The following LGSN variants were observed in gnomAD, a reference collection of about 807,000 sequenced individuals.
LGSN encodes lengsin.
A neutral mutation model predicts 19.5 loss-of-function variants in LGSN; 21 were observed. The ratio of observed to expected loss-of-function variants is 1.07; its 90% CI spans 0.76 to 1.55. The LOEUF (loss-of-function observed/expected upper bound fraction) is 1.55, where lower values mean the gene tolerates loss of function less well. LGSN is among the 40% of genes most tolerant of loss of function. The probability of loss-of-function intolerance (pLI) is 0.00; values close to 1 mark genes in which losing one functional copy is unlikely to be tolerated. For missense variants in LGSN, 673 were observed against 608.5 expected (o/e 1.11, Z -1.12); for synonymous variants, 257 against 215.6 (o/e 1.19, Z -1.68).
At chr6:63,521,221 A>C in the LGSN span, among the ~76,000 whole-genome samples, 15 of 152,162 alleles carry the variant, frequency 9.9e-5, no homozygotes, top group Non-Finnish European at 1.9e-4. Flanking sequence ...CCAAAACTTA[A>C]AGTAAAATAA....
chr6:63,293,829 T>G lies in LGSN; in HGVS notation c.163+1084A>C, dbSNP rs748188234. 2.2e-5 allele frequency: 10 copies of G among 454,224 alleles called. No individual in the cohort carries two copies. The Admixed American group carries it at 2.4e-4, about 11-fold the overall frequency. 28.1% of individuals were successfully genotyped at this position (454,224 alleles called of 1,614,324 possible). On this transcript the variant is annotated intron_variant, in intron 2 of 3. Transcript: ENST00000370657. ...AGGTTTGCTTGTGTTCCCTAATTTG[T>G]GGCACACCATTTGGTTTCTGATCCT...
chr6:63,408,547 T>G, the LGSN span, among the ~76,000 whole-genome samples: 1 of 147,938 alleles, frequency 6.8e-6, no homozygotes, highest in Non-Finnish European at 1.5e-5. Flanking sequence ...GATTAAAGAC[T>G]TAAACGTTAG....
intron 1 of LGSN, among the ~76,000 whole-genome samples, chr6:63,301,148 A>G (rs1367699054): frequency 2.6e-5 from 4 of 152,112 alleles, no homozygotes; most frequent in African/African-American, 9.7e-5. Context: ...AAAATTAGCC[A>G]GGCATTGTGG....
chr6:63,338,891 AT>A, the LGSN span, among the ~76,000 whole-genome samples: 1 of 152,050 alleles, frequency 6.6e-6, no homozygotes, highest in African/African-American at 2.4e-5. Flanking sequence ...TGTTTTGATC[AT>A]TTTTTATTTC....
the LGSN span, among the ~76,000 whole-genome samples, chr6:63,394,741 G>T: frequency 1.3e-5 from 2 of 152,172 alleles, no homozygotes; most frequent in Admixed American, 1.3e-4. Flanking sequence ...TCTGGATCAG[G>T]ACCCCTTTCC....
upstream of LGSN, among the ~76,000 whole-genome samples, chr6:63,322,407 C>T (rs902890178): frequency 1.3e-4 from 20 of 152,062 alleles, no homozygotes; most frequent in African/African-American, 4.8e-4. Context: ...TTCTTATGAC[C>T]TTCATGAATC....
At chr6:63,464,060 G>GA in the LGSN span, among the ~76,000 whole-genome samples, 8 of 151,282 alleles carry the variant, frequency 5.3e-5, no homozygotes, top group Non-Finnish European at 4.4e-5. Flanking sequence ...ACAATGAACC[G>GA]ATCATTACTG....
chr6:63,451,873 AT>A, the LGSN span, among the ~76,000 whole-genome samples: 2 of 152,186 alleles, frequency 1.3e-5, no homozygotes, highest in Non-Finnish European at 2.9e-5. Context: ...TGGATTTAAA[AT>A]TTTTAAACTA....
At chr6:63,438,647 A>G in the LGSN span, among the ~76,000 whole-genome samples, 3 of 152,190 alleles carry the variant, frequency 2.0e-5, no homozygotes, top group African/African-American at 7.2e-5. Context: ...AATCAAAACC[A>G]CAATGAGATA....
the LGSN span, among the ~76,000 whole-genome samples, chr6:63,370,534 T>G: frequency 1.3e-5 from 2 of 152,254 alleles, no homozygotes; most frequent in Non-Finnish European, 2.9e-5. Context: ...ATTTTGTAAG[T>G]GAACTCCTGT....
rs1767218742 is a variant in LGSN, at chr6:63,279,851, A to T, written c.*170T>A. ...TTGTTTCTGTTATCAGAATCTTCTC[A>T]GCAGTCCTACTTCATCTGTCAAATA... On this transcript the variant is annotated 3_prime_UTR_variant, in exon 4 of 4. Transcript: ENST00000370657. 2 of 596,038 alleles carry T rather than the reference A, an allele frequency of 3.4e-6. No individual in the cohort carries two copies. The highest frequency in any genetic ancestry group is 4.4e-5 in the South Asian group (2 of 45,602). The allele number at this position is 596,038 out of a possible 1,614,324, so 36.9% of individuals were successfully genotyped here.
At chr6:63,443,914 C>A in the LGSN span, among the ~76,000 whole-genome samples, 90 of 141,012 alleles carry the variant, frequency 6.4e-4, no homozygotes, top group African/African-American at 6.8e-4. Context: ...CAGCTGTCAC[C>A]AAAAAAAAAA....
the LGSN span, among the ~76,000 whole-genome samples, chr6:63,419,251 T>C: frequency 6.6e-6 from 1 of 152,226 alleles, no homozygotes; most frequent in African/African-American, 2.4e-5. Flanking sequence ...TTTTTAGTTG[T>C]CATTAGTGTG....
the LGSN span, among the ~76,000 whole-genome samples, chr6:63,371,538 G>T: frequency 2.6e-5 from 4 of 152,166 alleles, no homozygotes; most frequent in Admixed American, 6.5e-5. Context: ...GAGCCATCTG[G>T]TGTTGATATT....
the LGSN span, among the ~76,000 whole-genome samples, chr6:63,536,558 T>C: frequency 1.3e-5 from 2 of 152,204 alleles, no homozygotes; most frequent in African/African-American, 4.8e-5. Context: ...AAATCACCAC[T>C]TATATTTTAT....
At chr6:63,361,864 A>G in the LGSN span, among the ~76,000 whole-genome samples, 942 of 152,310 alleles carry the variant, frequency 6.2e-3, 7 homozygotes, top group African/African-American at 0.021. Flanking sequence ...TCTTGTTAGC[A>G]AGAATGAAGG....
At chr6:63,510,749 C>T in the LGSN span, among the ~76,000 whole-genome samples, 1 of 149,010 alleles carries the variant, frequency 6.7e-6, no homozygotes, top group African/African-American at 2.5e-5. Context: ...TCTCGGCTCA[C>T]TGTAACCTCT....
the LGSN span, among the ~76,000 whole-genome samples, chr6:63,403,161 T>C: frequency 6.6e-6 from 1 of 152,076 alleles, no homozygotes; most frequent in African/African-American, 2.4e-5. Flanking sequence ...ACTAATCTAA[T>C]ATAGGTGATA....
At chr6:63,545,598 AAG>A in the LGSN span, among the ~76,000 whole-genome samples, 1 of 152,066 alleles carries the variant, frequency 6.6e-6, no homozygotes, top group East Asian at 1.9e-4. Context: ...GCAACAGAGC[AAG>A]ACTCTGTCTC....
Sources: allele counts gnomAD v4.1 joint callset (sites outside exome capture counted in the v4.1 genomes callset), GRCh38; gene constraint gnomAD v4.1.1; transcripts MANE v1.5; gene names NCBI Gene and HGNC (gene_info 2026-07-23, HGNC 2026-07-21).